The following CCSER2 variants were observed in gnomAD, a reference collection of about 807,000 sequenced individuals.
CCSER2 encodes serine-rich coiled-coil domain-containing protein 2.
Under a neutral mutation model 92.3 loss-of-function variants are expected in CCSER2, and 46 were observed. The observed-to-expected ratio is 0.50, with a 90% CI of 0.39 to 0.64. The LOEUF is 0.64. Ranked by LOEUF, CCSER2 falls within the 30% of genes least tolerant of loss-of-function variation. The pLI is 0.00. For missense variants in CCSER2, 1,244 were observed against 1,238.9 expected, an observed-to-expected ratio of 1.00 and a Z score of -0.06; for synonymous variants, 433 against 431.4, an observed-to-expected ratio of 1.00 and a Z score of -0.04.
Position 84,514,562 on chromosome 10 carries a change from A to T in CCSER2, c.*295A>T. The T allele has an allele frequency of 2.7e-6, 1 of 365,804 alleles. No individual in the cohort carries two copies. The highest frequency in any genetic ancestry group is 4.9e-6 in the Non-Finnish European group (1 of 203,506). 22.7% of individuals were successfully genotyped at this position (365,804 alleles called of 1,614,324 possible). ...CCCTCTCCACGTCAGAAAATTCATA[A>T]TATTTTACTGAGCAGGCAAGAAGTG... On this transcript the variant is annotated 3_prime_UTR_variant, in exon 10 of 10. Transcript: ENST00000372088.
chr10:84,474,662 CAAAAAAA>C (rs397844899), intron 8 of CCSER2, among the ~76,000 whole-genome samples: 3 of 65,876 alleles, frequency 4.6e-5, no homozygotes, highest in East Asian at 5.0e-4. Flanking sequence ...GACTCCATCT[CAAAAAAA>C]AAAAAAAAAA....
intron 3 of CCSER2, among the ~76,000 whole-genome samples, chr10:84,417,121 G>C (rs968294479): frequency 6.6e-6 from 1 of 152,132 alleles, no homozygotes; most frequent in African/African-American, 2.4e-5. Context: ...TGTTTATTCA[G>C]TTCTTTAGGC....
rs1293750171 is a variant in CCSER2 at position 84,514,112 on chromosome 10, C to A, written c.2989C>A (p.Gln997Lys). The A allele has an allele frequency of 2.6e-6, 4 of 1,536,218 alleles. No homozygotes were observed. The highest frequency in any genetic ancestry group is 3.5e-6 in the Non-Finnish European group (4 of 1,146,928). Residue 997 changes from glutamine to lysine, a missense_variant, in exon 10 of 10, where the codon CAA (glutamine) becomes AAA (lysine). Gln to Lys is a moderately conservative substitution (Grantham distance 53). Transcript: ENST00000372088. ...CAAACAAAAACAAACAAACAGCCCC[C>A]AACTAGAGCCTCAAAGCTTCCAGGC... ...SFKQKQTNSP[Q>K]LEPQSFQAKT...
At chr10:84,345,562 C>T (rs865953292) in intron 1 of CCSER2, among the ~76,000 whole-genome samples, 5 of 152,232 alleles carry the variant, frequency 3.3e-5, no homozygotes, top group Non-Finnish European at 5.9e-5. Flanking sequence ...AAAAACTGCC[C>T]TTTCCCAGTA....
At chr10:84,397,216 T>TGGTATTAC in intron 3 of CCSER2, among the ~76,000 whole-genome samples, 1 of 152,342 alleles carries the variant, frequency 6.6e-6, no homozygotes, top group Non-Finnish European at 1.5e-5. Context: ...AATAAATCTC[T>TGGTATTAC]GGTATTACCA....
rs916800865 is a variant in CCSER2, at chr10:84,383,091, A to G, written c.1614+9276A>G. Reference sequence around the variant, plus strand: ...TTGCGTGGGTATATGAGTTCCCTAGATTATTTGCACTGAAATTTGGAATTT... The same window carrying G: ...TTGCGTGGGTATATGAGTTCCCTAGGTTATTTGCACTGAAATTTGGAATTT... On this transcript the variant is annotated intron_variant, in intron 3 of 9. Coordinates refer to ENST00000372088, the MANE Select transcript of CCSER2 (RefSeq NM_001284240.2). Among the ~76,000 whole-genome samples the G allele has an allele frequency of 5.3e-5, 8 of 152,324 alleles. No individual in the cohort carries two copies. In the Middle Eastern group the frequency reaches 0.014, roughly 259 times the overall value.
chr10:84,392,892 A>G (rs1314474277), intron 3 of CCSER2, among the ~76,000 whole-genome samples: 1 of 152,112 alleles, frequency 6.6e-6, no homozygotes, highest in Non-Finnish European at 1.5e-5. Flanking sequence ...TTCTAGGCCA[A>G]TATGTTATTT....
rs149836675 is a variant in CCSER2, at chr10:84,334,765, A to G, written c.-40+5957A>G. Among the ~76,000 whole-genome samples the G allele has an allele frequency of 3.3e-5, 5 of 152,272 alleles. No individual in the cohort carries two copies. In the East Asian group the frequency reaches 9.7e-4, roughly 29 times the overall value. ...AATTTTCTTGGTCAGCTCCTAACTT[A>G]CTTCATATGTCTGTTTTTCAAAGAG... On this transcript the variant is annotated intron_variant, in intron 1 of 9. Transcript: ENST00000372088.
At chr10:84,383,326 T>TTTGAGA (rs1841015202) in intron 3 of CCSER2, among the ~76,000 whole-genome samples, 2 of 152,128 alleles carry the variant, frequency 1.3e-5, no homozygotes, top group African/African-American at 4.8e-5. Flanking sequence ...TTATTTTTAT[T>TTTGAGA]TTGAGATGGC....
chr10:84,477,363 A>G (rs541220569), intron 8 of CCSER2, among the ~76,000 whole-genome samples: 46 of 152,214 alleles, frequency 3.0e-4, no homozygotes, highest in South Asian at 6.2e-4. Flanking sequence ...AGCCAGAACT[A>G]TTTTGCCATG....
At chr10:84,388,471 TTGA>T (rs1841346696) in intron 3 of CCSER2, among the ~76,000 whole-genome samples, 1 of 152,178 alleles carries the variant, frequency 6.6e-6, no homozygotes, top group Non-Finnish European at 1.5e-5. Flanking sequence ...ATAGATGGTG[TTGA>T]TGATCTCTAC....
chr10:84,474,339 C>T (rs1026887282), intron 8 of CCSER2, among the ~76,000 whole-genome samples: 4 of 152,188 alleles, frequency 2.6e-5, no homozygotes, highest in Non-Finnish European at 1.5e-5. Context: ...TATAATCTCT[C>T]CTAAGCCCCT....
chr10:84,386,829 C>T (rs1841239140), intron 3 of CCSER2, among the ~76,000 whole-genome samples: 1 of 152,126 alleles, frequency 6.6e-6, no homozygotes, highest in South Asian at 2.1e-4. Context: ...TATAATAAGT[C>T]AGAAACAGGA....
intron 7 of CCSER2, 101 bp downstream of exon 7, chr10:84,464,117 A>T: frequency 6.6e-6 from 4 of 609,800 alleles, no homozygotes; most frequent in Non-Finnish European, 1.1e-5. Flanking sequence ...TTAATACCTA[A>T]AGCATCAGGT....
At chr10:84,444,876 C>A (rs1844811381) in intron 6 of CCSER2, among the ~76,000 whole-genome samples, 1 of 152,158 alleles carries the variant, frequency 6.6e-6, no homozygotes, top group Non-Finnish European at 1.5e-5. Context: ...GTACCTCATT[C>A]TACTCATCAC....
chr10:84,444,781 G>A (rs757114310), intron 6 of CCSER2, among the ~76,000 whole-genome samples: 11 of 152,088 alleles, frequency 7.2e-5, no homozygotes, highest in Admixed American at 2.0e-4. Flanking sequence ...TTAAAAAATT[G>A]TAAACCATTA....
intron 5 of CCSER2, among the ~76,000 whole-genome samples, chr10:84,433,970 T>C (rs937024878): frequency 1.3e-5 from 2 of 152,228 alleles, no homozygotes; most frequent in African/African-American, 2.4e-5. Context: ...CTCACTTCAC[T>C]AACACATGGC....
chr10:84,358,628 A>ATC (rs1175594074), intron 1 of CCSER2, among the ~76,000 whole-genome samples: 5 of 148,892 alleles, frequency 3.4e-5, no homozygotes, highest in African/African-American at 1.2e-4. Flanking sequence ...CTATCTAAAT[A>ATC]TATATATATG....
In CCSER2 at chr10:84,371,191, G is replaced by A. The variant is rs1244902955; in HGVS notation, c.139G>A (p.Val47Ile). The A allele has an allele frequency of 5.6e-6, 9 of 1,613,438 alleles. No homozygotes were observed. Among genetic ancestry groups the A allele is most frequent in the South Asian group, 1.1e-5 (1 of 90,966 alleles). Residue 47 changes from valine to isoleucine, a missense_variant, in exon 2 of 10, where the codon GTC becomes ATC. Physicochemically the swap from Val to Ile is conservative, Grantham distance 29. Coordinates refer to ENST00000372088, the MANE Select transcript of CCSER2 (RefSeq NM_001284240.2). ...NLLGTSKNSN[V>I]KSYIKNNGSD... ...ATTAGGAACTTCCAAGAATAGTAAT[G>A]TCAAAAGTTACATCAAAAATAATGG... is the stretch of plus-strand genomic sequence containing the variant.
Sources: allele counts gnomAD v4.1 joint callset (sites outside exome capture counted in the v4.1 genomes callset), GRCh38; gene constraint gnomAD v4.1.1; transcripts MANE v1.5; gene names NCBI Gene and HGNC (gene_info 2026-07-23, HGNC 2026-07-21).